Variants in PRKCA observed in about 807,000 individuals in gnomAD.
PRKCA encodes the protein protein kinase C alpha type.
Under a neutral mutation model 87.0 loss-of-function variants are expected in PRKCA, and 27 were observed. The observed-to-expected ratio is 0.31, with a 90% confidence interval of 0.23 to 0.43. PRKCA has a LOEUF of 0.43. Among genes scored for constraint, PRKCA ranks in the 20% least tolerant of loss-of-function variants. PRKCA has a pLI of 1.00. For missense variants in PRKCA, 518 were observed against 852.3 expected, an observed-to-expected ratio of 0.61 and a Z score of 4.88; for synonymous variants, 329 against 311.1, an observed-to-expected ratio of 1.06 and a Z score of -0.61.
intron 2 of PRKCA, among the ~76,000 whole-genome samples, chr17:66,339,402 C>T (rs1055997453): frequency 4.6e-5 from 7 of 152,094 alleles, no homozygotes; most frequent in Admixed American, 4.6e-4. Flanking sequence ...CTTACGCTTC[C>T]ACTTGGAATA....
chr17:66,534,195 C>T (rs893377059), intron 3 of PRKCA, among the ~76,000 whole-genome samples: 7 of 152,006 alleles, frequency 4.6e-5, no homozygotes, highest in Non-Finnish European at 8.8e-5. Flanking sequence ...ATATTCCCCT[C>T]GGGTAGGAAC....
chr17:66,682,521 C>T (rs1200783813), intron 5 of PRKCA, among the ~76,000 whole-genome samples: 1 of 152,244 alleles, frequency 6.6e-6, no homozygotes, highest in South Asian at 2.1e-4. Flanking sequence ...CTGCCAGGGC[C>T]TTGGGCCCAT....
At chr17:66,549,210 GA>G (rs1156875998) in intron 3 of PRKCA, among the ~76,000 whole-genome samples, 1 of 150,780 alleles carries the variant, frequency 6.6e-6, no homozygotes, top group African/African-American at 2.4e-5. Context: ...TCATTTTACA[GA>G]GGGGGAAACT....
chr17:66,652,779 G>A (rs1971625237), intron 5 of PRKCA, among the ~76,000 whole-genome samples: 1 of 152,172 alleles, frequency 6.6e-6, no homozygotes, highest in South Asian at 2.1e-4. Context: ...TGGCTAGAAG[G>A]AAGCCCCTGC....
chr17:66,486,488 T>C (rs1031159776), intron 2 of PRKCA, among the ~76,000 whole-genome samples: 12 of 152,138 alleles, frequency 7.9e-5, no homozygotes, highest in African/African-American at 2.9e-4. Flanking sequence ...AGGAGTCTTT[T>C]ATACTGGTGA....
intron 2 of PRKCA, among the ~76,000 whole-genome samples, chr17:66,357,099 A>G (rs1908106970): frequency 6.6e-6 from 1 of 152,152 alleles, no homozygotes; most frequent in Non-Finnish European, 1.5e-5. Context: ...TGTCTTTTGC[A>G]AAGATAGTTT....
chr17:66,340,398 G>C (rs980625238), intron 2 of PRKCA, among the ~76,000 whole-genome samples: 1 of 108,308 alleles, frequency 9.2e-6, no homozygotes, highest in South Asian at 2.8e-4. Flanking sequence ...TTTTTGGCTT[G>C]TTTGTTTTCG....
chr17:66,394,090 G>T (rs916357121), intron 2 of PRKCA, among the ~76,000 whole-genome samples: 32 of 152,076 alleles, frequency 2.1e-4, no homozygotes, highest in African/African-American at 7.7e-4. Flanking sequence ...AAGAAAGAGT[G>T]ACACATGAAA....
At position 66,436,956 on chromosome 17, in the gene PRKCA, G is replaced by A. The variant is rs530298576; in HGVS notation, c.206-59245G>A. Among the ~76,000 whole-genome samples, 122 of 152,242 alleles carry A rather than the reference G, an allele frequency of 8.0e-4. 1 individual carries two copies. The highest frequency in any genetic ancestry group is 3.4e-3 in the Middle Eastern group (1 of 294). ...GAATATTATTAAACATGCTAGAGCC[G>A]TTCAGCTGTGGGATGATTGAGAAGC... is the stretch of plus-strand genomic sequence containing the variant. On this transcript the variant is annotated intron_variant, in intron 2 of 16. Coordinates refer to ENST00000413366, the MANE Select transcript of PRKCA (RefSeq NM_002737.3).
Position 66,732,837 on chromosome 17 carries a change from G to A in PRKCA, c.1056+12G>A. The A allele has an allele frequency of 6.2e-7, 1 of 1,607,696 alleles. No homozygotes were observed. The highest frequency in any genetic ancestry group is 1.1e-5 in the South Asian group (1 of 90,360). On this transcript the variant is annotated intron_variant, in intron 9 of 16. Transcript: ENST00000413366. ...GGAGTTTTGGAAAGGTAAGAGGACA[G>A]TCGTCTGCAAATTGCAGGGGCTTCT...
chr17:66,582,944 C>T (rs749433374), intron 3 of PRKCA, among the ~76,000 whole-genome samples: 10 of 152,176 alleles, frequency 6.6e-5, no homozygotes, highest in Non-Finnish European at 1.2e-4. Flanking sequence ...GGTGGAACCC[C>T]AGCCCCTGCC....
chr17:66,317,272 G>A (rs1016425736), intron 2 of PRKCA, among the ~76,000 whole-genome samples: 4 of 152,184 alleles, frequency 2.6e-5, no homozygotes, highest in African/African-American at 9.7e-5. Context: ...GGGCTGATGT[G>A]TTTTCACCGT....
In PRKCA at chr17:66,804,749, C is replaced by T. The variant is rs72652886; in HGVS notation, c.*712C>T. 0.014 allele frequency: 2,135 copies of T among 153,444 alleles called. 28 individuals are homozygous for T. The highest frequency in any genetic ancestry group is 0.023 in the Non-Finnish European group (1,564 of 68,724). 9.5% of individuals were successfully genotyped at this position (153,444 alleles called of 1,614,324 possible). A position where few individuals can be genotyped will look rare whatever the true frequency, so the allele number is the denominator to read the frequency against. ...GATACTTTTCATTCTTTGTAAGAGG[C>T]CAAATCGTCTAAGGACGTTGCTGAA... On this transcript the variant is annotated 3_prime_UTR_variant, in exon 17 of 17. Coordinates refer to ENST00000413366, the MANE Select transcript of PRKCA (RefSeq NM_002737.3).
intron 5 of PRKCA, among the ~76,000 whole-genome samples, chr17:66,668,236 C>T (rs998398964): frequency 6.6e-6 from 1 of 152,196 alleles, no homozygotes; most frequent in African/African-American, 2.4e-5. Context: ...TCTCATCTTT[C>T]CATACAGTCT....
chr17:66,772,811 A>T (rs1011216854), intron 13 of PRKCA, among the ~76,000 whole-genome samples: 1 of 152,142 alleles, frequency 6.6e-6, no homozygotes, highest in Non-Finnish European at 1.5e-5. Context: ...TGGACCCATC[A>T]CCAATTTCAA....
chr17:66,558,339 G>A (rs187888867), intron 3 of PRKCA, among the ~76,000 whole-genome samples: 102 of 152,360 alleles, frequency 6.7e-4, no homozygotes, highest in African/African-American at 2.4e-3. Context: ...GTCACAGTAG[G>A]TGCTATGTAG....
chr17:66,470,630 C>T (rs1256994584), intron 2 of PRKCA, among the ~76,000 whole-genome samples: 5 of 152,084 alleles, frequency 3.3e-5, no homozygotes, highest in African/African-American at 7.2e-5. Flanking sequence ...TAATTCCCCA[C>T]GTGTCAATGC....
intron 5 of PRKCA, among the ~76,000 whole-genome samples, chr17:66,659,740 CA>C (rs999597388): frequency 6.6e-6 from 1 of 151,496 alleles, no homozygotes; most frequent in African/African-American, 2.4e-5. Flanking sequence ...GACTCCGTCA[CA>C]AAAAAAAGAA....
chr17:66,314,787 A>C (rs952064464), intron 2 of PRKCA, among the ~76,000 whole-genome samples: 4 of 152,114 alleles, frequency 2.6e-5, no homozygotes, highest in African/African-American at 7.2e-5. Flanking sequence ...AGATTAACTC[A>C]TGGTTTTACC....
Sources: allele counts gnomAD v4.1 joint callset (sites outside exome capture counted in the v4.1 genomes callset), GRCh38; gene constraint gnomAD v4.1.1; transcripts MANE v1.5; gene names NCBI Gene and HGNC (gene_info 2026-07-23, HGNC 2026-07-21).